Variants in NTM observed in about 807,000 individuals in gnomAD.
The protein encoded by NTM is IgLON family member 2.
NTM carries 13 observed loss-of-function variants against 42.1 expected under a neutral mutation model. The observed-to-expected ratio is 0.31, with a 90% CI of 0.20 to 0.49. The LOEUF (loss-of-function observed/expected upper bound fraction) is 0.49, where lower values mean the gene tolerates loss of function less well. NTM is among the 20% of genes least tolerant of loss of function. The pLI is 0.99. For synonymous variants in NTM, 187 were observed against 179.2 expected (o/e 1.04, Z -0.35); for missense variants, 373 against 452.8 (o/e 0.82, Z 1.60).
At chr11:132,163,648 C>T (rs1331863571) in intron 3 of NTM, among the ~76,000 whole-genome samples, 1 of 152,198 alleles carries the variant, frequency 6.6e-6, no homozygotes, top group Non-Finnish European at 1.5e-5. Flanking sequence ...CCCTCAAACA[C>T]TAAGCTTCCC....
chr11:131,942,545 C>G (rs186709658), intron 2 of NTM, among the ~76,000 whole-genome samples: 1 of 152,252 alleles, frequency 6.6e-6, no homozygotes, highest in East Asian at 1.9e-4. Context: ...GTTTGGTGGA[C>G]ACATAACATT....
intron 1 of NTM, among the ~76,000 whole-genome samples, chr11:131,474,009 C>A (rs968526885): frequency 1.2e-4 from 19 of 152,194 alleles, no homozygotes; most frequent in African/African-American, 4.6e-4. Context: ...TCCTTCCATT[C>A]TCATCCAACT....
At chr11:131,948,994 C>A (rs564177612) in intron 2 of NTM, among the ~76,000 whole-genome samples, 3 of 152,172 alleles carry the variant, frequency 2.0e-5, no homozygotes, top group Non-Finnish European at 4.4e-5. Context: ...GTTTCTCCCT[C>A]CCTCCAGCCT....
intron 2 of NTM, among the ~76,000 whole-genome samples, chr11:132,101,375 C>A (rs111800509): frequency 0.055 from 8,409 of 152,196 alleles, 360 homozygotes; most frequent in South Asian, 0.13. Flanking sequence ...CCTCTTGGTA[C>A]CAGTGACCTT....
At chr11:132,058,918 G>A (rs959977453) in intron 2 of NTM, among the ~76,000 whole-genome samples, 1 of 152,206 alleles carries the variant, frequency 6.6e-6, no homozygotes, top group Non-Finnish European at 1.5e-5. Flanking sequence ...CCCACAATGT[G>A]TGTGATAGAT....
In NTM at chr11:132,124,352, G is replaced by T. The variant is rs79131662; in HGVS notation, c.168-21930G>T. Among the ~76,000 whole-genome samples, 1,467 of 152,286 alleles carry T rather than the reference G, an allele frequency of 9.6e-3. 24 individuals are homozygous for T. Among genetic ancestry groups the T allele is most frequent in the African/African-American group, 0.032 (1,325 of 41,560 alleles). On this transcript the variant is annotated intron_variant, in intron 2 of 8. Coordinates refer to ENST00000683400, the MANE Select transcript of NTM (RefSeq NM_001352005.2). ...GTGGTTTTGTGAGTGCTCTCAGTCT[G>T]CAGGGAGAGACAGGCTCCAAAACAC...
At chr11:131,782,881 C>T (rs1447467597) in intron 1 of NTM, among the ~76,000 whole-genome samples, 4 of 152,038 alleles carry the variant, frequency 2.6e-5, no homozygotes, top group East Asian at 3.9e-4. Context: ...TATCATACTT[C>T]GTAGAGGACG....
At chr11:131,476,418 C>T (rs1057283297) in intron 1 of NTM, among the ~76,000 whole-genome samples, 2 of 152,288 alleles carry the variant, frequency 1.3e-5, no homozygotes, top group Middle Eastern at 3.4e-3. Context: ...TCTCCCTGCT[C>T]GTCTAGACTG....
chr11:131,614,368 T>C (rs2061722905), intron 1 of NTM, among the ~76,000 whole-genome samples: 1 of 152,248 alleles, frequency 6.6e-6, no homozygotes, highest in Non-Finnish European at 1.5e-5. Context: ...AGACCCACCC[T>C]GGCTGCAGCT....
intron 1 of NTM, among the ~76,000 whole-genome samples, chr11:131,594,277 G>A (rs2059628823): frequency 6.6e-6 from 1 of 152,154 alleles, no homozygotes; most frequent in Admixed American, 6.5e-5. Flanking sequence ...CAATACAACT[G>A]TCCTGTACCA....
chr11:131,761,608 A>G (rs540647171), intron 1 of NTM, among the ~76,000 whole-genome samples: 1 of 152,096 alleles, frequency 6.6e-6, no homozygotes, highest in African/African-American at 2.4e-5. Flanking sequence ...GTTGGAGACT[A>G]TCCTCCTGAC....
At chr11:132,139,269 T>C (rs568778947) in intron 2 of NTM, among the ~76,000 whole-genome samples, 1 of 152,294 alleles carries the variant, frequency 6.6e-6, no homozygotes, top group East Asian at 1.9e-4. Flanking sequence ...CAGGTTACCT[T>C]TTGCTAGAGT....
At chr11:131,982,565 G>T (rs1433486203) in intron 2 of NTM, among the ~76,000 whole-genome samples, 1 of 152,090 alleles carries the variant, frequency 6.6e-6, no homozygotes, top group Non-Finnish European at 1.5e-5. Context: ...CAGAGTTTCT[G>T]GGTCTGTCCC....
At chr11:131,443,407 A>C (rs1949780247) in intron 1 of NTM, among the ~76,000 whole-genome samples, 1 of 152,194 alleles carries the variant, frequency 6.6e-6, no homozygotes, top group African/African-American at 2.4e-5. Flanking sequence ...GTCATATTGC[A>C]GAAGAAAATA....
intron 1 of NTM, among the ~76,000 whole-genome samples, chr11:131,614,995 G>A (rs1444065605): frequency 6.6e-6 from 1 of 152,208 alleles, no homozygotes. Flanking sequence ...CCTTTGTGGT[G>A]TGGTAGAAGC....
At chr11:131,994,017 A>AGAAG (rs1555209838) in intron 2 of NTM, among the ~76,000 whole-genome samples, 1 of 137,998 alleles carries the variant, frequency 7.2e-6, no homozygotes, top group Non-Finnish European at 1.5e-5. Context: ...AAAAAAAAAA[A>AGAAG]AAGAAGAAGA....
chr11:131,559,768 C>T (rs976493543), intron 1 of NTM, among the ~76,000 whole-genome samples: 19 of 152,302 alleles, frequency 1.2e-4, no homozygotes, highest in African/African-American at 4.3e-4. Flanking sequence ...TCAGCACTTA[C>T]CATCACACCT....
At chr11:131,563,660 C>T (rs1001485217) in intron 1 of NTM, among the ~76,000 whole-genome samples, 1 of 143,758 alleles carries the variant, frequency 7.0e-6, no homozygotes, top group Non-Finnish European at 1.5e-5. Flanking sequence ...TAGTACAATA[C>T]CCTTGGATTG....
intron 1 of NTM, among the ~76,000 whole-genome samples, chr11:131,469,920 A>G (rs1394181401): frequency 6.6e-6 from 1 of 152,216 alleles, no homozygotes; most frequent in Non-Finnish European, 1.5e-5. Flanking sequence ...GATATTCTAA[A>G]GTCTAATTTG....
Sources: allele counts gnomAD v4.1 joint callset (sites outside exome capture counted in the v4.1 genomes callset), GRCh38; gene constraint gnomAD v4.1.1; transcripts MANE v1.5; gene names NCBI Gene and HGNC (gene_info 2026-07-23, HGNC 2026-07-21).